DRC4: variants seen among roughly 807,000 people sequenced by gnomAD.
The protein encoded by DRC4 is dynein regulatory complex subunit 4.
chr16:90,032,147 C>T, the DRC4 span, among the ~76,000 whole-genome samples: 2 of 140,502 alleles, frequency 1.4e-5, no homozygotes, highest in African/African-American at 5.9e-5. Context: ...AGGTGTGGTA[C>T]AGGTGTGGTG....
At chr16:90,032,670 G>T in the DRC4 span, 1 of 1,576,218 alleles carries the variant, frequency 6.3e-7, no homozygotes, top group South Asian at 1.1e-5. Context: ...ACGGAAAGGT[G>T]AGGAGGTGTG....
the DRC4 span, chr16:90,031,368 C>T: frequency 6.2e-7 from 1 of 1,612,968 alleles, no homozygotes; most frequent in Non-Finnish European, 8.5e-7. Flanking sequence ...CTACTTCCAG[C>T]TGGAGCGGGA....
At chr16:90,040,393 C>T in the DRC4 span, 95 of 1,611,692 alleles carry the variant, frequency 5.9e-5, no homozygotes, top group Admixed American at 1.3e-4. Context: ...CGTGCTAGAA[C>T]GCAAGCTGCA....
the DRC4 span, chr16:90,029,828 CTCACT>C: frequency 1.8e-5 from 3 of 170,518 alleles, no homozygotes; most frequent in South Asian, 1.8e-4. Context: ...GCGACCTCGG[CTCACT>C]GCAAGCTCCA....
the DRC4 span, among the ~76,000 whole-genome samples, chr16:90,022,386 C>G: frequency 2.6e-5 from 4 of 152,210 alleles, no homozygotes; most frequent in East Asian, 7.7e-4. Flanking sequence ...CACGTCTTTA[C>G]TGAGCACGTG....
At chr16:90,036,203 T>G in the DRC4 span, 1 of 620,556 alleles carries the variant, frequency 1.6e-6, no homozygotes, top group Non-Finnish European at 2.8e-6. Flanking sequence ...GTGCTGAGTG[T>G]GAGCATCAGC....
At chr16:90,022,219 C>G in the DRC4 span, 2 of 154,352 alleles carry the variant, frequency 1.3e-5, no homozygotes, top group African/African-American at 4.8e-5. Flanking sequence ...GTGTGTAAAC[C>G]CACCAGCGCA....
chr16:90,031,305 G>T, the DRC4 span: 70 of 1,612,314 alleles, frequency 4.3e-5, no homozygotes, highest in Non-Finnish European at 5.7e-5. Context: ...CCAGGTGGAG[G>T]AGCATGTCAG....
the DRC4 span, chr16:90,044,460 A>C: frequency 2.1e-6 from 1 of 468,930 alleles, no homozygotes; most frequent in African/African-American, 2.0e-5. Flanking sequence ...GATCCCAGTG[A>C]GTCATGAGCC....
chr16:90,021,723 G>T, the DRC4 span, among the ~76,000 whole-genome samples: 1 of 151,678 alleles, frequency 6.6e-6, no homozygotes. Flanking sequence ...AAAAAAAAAA[G>T]CTGGGTATGG....
the DRC4 span, chr16:90,031,274 C>T: frequency 1.2e-6 from 2 of 1,610,538 alleles, no homozygotes; most frequent in Non-Finnish European, 1.7e-6. Flanking sequence ...CTCAGTGCCT[C>T]ACCTGACCCA....
chr16:90,043,482 C>T, the DRC4 span: 2 of 904,386 alleles, frequency 2.2e-6, no homozygotes, highest in Non-Finnish European at 3.3e-6. Flanking sequence ...TCTTGCCATC[C>T]TCTTTCCTGG....
chr16:90,029,989 C>CAAGGCCAGAT, the DRC4 span: 1 of 152,372 alleles, frequency 6.6e-6, no homozygotes, highest in Admixed American at 6.5e-5. Flanking sequence ...GATCTCCTGA[C>CAAGGCCAGAT]CTCATGATCT....
chr16:90,040,437 G>A, the DRC4 span: 8 of 1,611,862 alleles, frequency 5.0e-6, no homozygotes, highest in South Asian at 7.7e-5. Context: ...AGAAGGAGGT[G>A]CAGTTCAACG....
the DRC4 span, among the ~76,000 whole-genome samples, chr16:90,021,606 C>T: frequency 1.3e-5 from 2 of 151,952 alleles, no homozygotes; most frequent in South Asian, 2.1e-4. Context: ...GCGTGGGGCT[C>T]ACGTGCTCCC....
chr16:90,022,830 G>T, the DRC4 span: 6 of 1,120,384 alleles, frequency 5.4e-6, no homozygotes, highest in Admixed American at 3.9e-5. Context: ...GGCCTGGAGC[G>T]CTGGGTTTCT....
chr16:90,031,620 G>GT, the DRC4 span: 50 of 1,081,516 alleles, frequency 4.6e-5, no homozygotes, highest in Non-Finnish European at 5.7e-5. Flanking sequence ...CCTTAAAGGT[G>GT]TTTTTTATAA....
At chr16:90,043,924 C>G in the DRC4 span, 1 of 436,406 alleles carries the variant, frequency 2.3e-6, no homozygotes, top group Non-Finnish European at 4.8e-6. Flanking sequence ...CTAACTCCCT[C>G]GGTAGGTGAT....
At chr16:90,040,194 GA>G in the DRC4 span, 2 of 1,095,712 alleles carry the variant, frequency 1.8e-6, no homozygotes, top group East Asian at 5.2e-5. Flanking sequence ...GCACTGTTGG[GA>G]GGCAGCGTGT....
Sources: allele counts gnomAD v4.1 joint callset (sites outside exome capture counted in the v4.1 genomes callset), GRCh38; gene constraint gnomAD v4.1.1; transcripts MANE v1.5; gene names NCBI Gene and HGNC (gene_info 2026-07-23, HGNC 2026-07-21).